EGFLAM: variants seen among roughly 807,000 people sequenced by gnomAD.
EGFLAM encodes EGF like, fibronectin type III and laminin G domains, also known as pikachurin.
Under a neutral mutation model 113.1 loss-of-function variants are expected in EGFLAM, and 79 were observed. That is an observed-to-expected ratio of 0.70 (90% CI 0.58 to 0.84). EGFLAM has a LOEUF of 0.84. Ranked by LOEUF, EGFLAM falls within the 40% of genes least tolerant of loss-of-function variation. The pLI is 0.00. For synonymous variants in EGFLAM, 504 were observed against 487.6 expected (o/e 1.03, Z -0.44); for missense variants, 1,265 against 1,291.6 (o/e 0.98, Z 0.32).
intron 12 of EGFLAM, among the ~76,000 whole-genome samples, chr5:38,418,810 A>C (rs1473514662): frequency 6.6e-6 from 1 of 152,226 alleles, no homozygotes; most frequent in Non-Finnish European, 1.5e-5. Flanking sequence ...TAACTTATTG[A>C]AAGTAGCAGG....
At chr5:38,411,369 A>G (rs552295479) in intron 10 of EGFLAM, among the ~76,000 whole-genome samples, 85 of 152,194 alleles carry the variant, frequency 5.6e-4, no homozygotes, top group Admixed American at 1.5e-3. Context: ...CGGAGGTTGC[A>G]GTGAGCAGAG....
intron 11 of EGFLAM, among the ~76,000 whole-genome samples, chr5:38,416,291 G>C (rs1301870475): frequency 6.6e-6 from 1 of 152,186 alleles, no homozygotes; most frequent in East Asian, 1.9e-4. Context: ...AGTGCTCCCA[G>C]GAGAAACTGC....
intron 1 of EGFLAM, among the ~76,000 whole-genome samples, chr5:38,261,696 G>A (rs369857258): frequency 2.0e-5 from 3 of 152,152 alleles, no homozygotes; most frequent in East Asian, 1.9e-4. Flanking sequence ...GGGATCCTGC[G>A]TTGCTCTTAA....
At chr5:38,320,020 G>A (rs1738699207) in intron 1 of EGFLAM, among the ~76,000 whole-genome samples, 1 of 152,222 alleles carries the variant, frequency 6.6e-6, no homozygotes, top group South Asian at 2.1e-4. Flanking sequence ...AAGACTTGGG[G>A]GTTACTGTAT....
chr5:38,345,828 T>C (rs991684054), intron 3 of EGFLAM: 3 of 152,230 alleles, frequency 2.0e-5, no homozygotes, highest in East Asian at 1.9e-4. Flanking sequence ...GAAGTGGTGA[T>C]GGTAAGACCT....
chr5:38,293,948 A>C (rs1442390067), intron 1 of EGFLAM, among the ~76,000 whole-genome samples: 1 of 152,224 alleles, frequency 6.6e-6, no homozygotes, highest in Non-Finnish European at 1.5e-5. Flanking sequence ...TCACTCATTA[A>C]GCACCCTCTA....
At chr5:38,461,155 C>T (rs967262528) in intron 20 of EGFLAM, 14 of 152,194 alleles carry the variant, frequency 9.2e-5, no homozygotes, top group African/African-American at 3.4e-4. Context: ...CCACAATAAT[C>T]TCGGGAGATG....
chr5:38,458,825 A>G lies in EGFLAM; in HGVS notation c.2771+431A>G, dbSNP rs868798694. On this transcript the variant is annotated intron_variant, in intron 20 of 21. Transcript: ENST00000322350. ...GCGAAACCCTGTCTCTACAAAAAAT[A>G]CAAAAATTGGCTGGATGTGGTGGCA... Among the ~76,000 whole-genome samples the G allele has an allele frequency of 3.9e-5, 6 of 152,144 alleles. 1 individual carries two copies. The Middle Eastern group carries it at 0.02, about 517-fold the overall frequency.
At chr5:38,328,723 G>GTT (rs3077265) in intron 1 of EGFLAM, among the ~76,000 whole-genome samples, 7 of 103,024 alleles carry the variant, frequency 6.8e-5, no homozygotes, top group African/African-American at 2.5e-4. Context: ...AGCTATACTT[G>GTT]TTTTTTTTTT....
chr5:38,462,219 C>A (rs192492796), intron 20 of EGFLAM, among the ~76,000 whole-genome samples: 9 of 152,202 alleles, frequency 5.9e-5, no homozygotes, highest in African/African-American at 1.9e-4. Context: ...GTCTTCCCAT[C>A]GAATGATCTT....
chr5:38,312,883 T>G (rs956157736), intron 1 of EGFLAM, among the ~76,000 whole-genome samples: 6 of 151,772 alleles, frequency 4.0e-5, no homozygotes, highest in African/African-American at 4.8e-5. Context: ...AGGTCAGCAG[T>G]TCAAGACCAG....
intron 11 of EGFLAM, among the ~76,000 whole-genome samples, chr5:38,417,136 G>A (rs1479469883): frequency 2.6e-5 from 4 of 151,984 alleles, no homozygotes; most frequent in Non-Finnish European, 1.5e-5. Context: ...GGTAGATCAC[G>A]AGGTCAGGAG....
chr5:38,359,697 A>T (rs1739871184), intron 5 of EGFLAM, among the ~76,000 whole-genome samples: 1 of 152,150 alleles, frequency 6.6e-6, no homozygotes, highest in Non-Finnish European at 1.5e-5. Context: ...AAAGTCTACT[A>T]TTGGCTTATT....
At chr5:38,350,226 C>T in intron 3 of EGFLAM, among the ~76,000 whole-genome samples, 1 of 152,136 alleles carries the variant, frequency 6.6e-6, no homozygotes, top group East Asian at 1.9e-4. Context: ...TCAAAGAGTT[C>T]TGATGTTCAC....
chr5:38,431,544 A>G (rs1404714861), intron 15 of EGFLAM, among the ~76,000 whole-genome samples: 1 of 152,220 alleles, frequency 6.6e-6, no homozygotes, highest in East Asian at 1.9e-4. Context: ...AGCACTTACA[A>G]AATTGCCTTT....
At chr5:38,405,141 A>G (rs1226377199) in intron 6 of EGFLAM, among the ~76,000 whole-genome samples, 1 of 151,780 alleles carries the variant, frequency 6.6e-6, no homozygotes, top group Non-Finnish European at 1.5e-5. Context: ...TTTTTGTTTT[A>G]AAGACCTTTT....
At chr5:38,399,492 G>T (rs1024450029) in intron 6 of EGFLAM, among the ~76,000 whole-genome samples, 4 of 151,956 alleles carry the variant, frequency 2.6e-5, no homozygotes, top group Non-Finnish European at 5.9e-5. Flanking sequence ...TGTGCAAGCT[G>T]GTCTCAAATT....
chr5:38,384,267 C>T (rs545299413), intron 6 of EGFLAM, among the ~76,000 whole-genome samples: 8 of 152,126 alleles, frequency 5.3e-5, no homozygotes, highest in African/African-American at 9.7e-5. Context: ...CCACAATTTT[C>T]GGATAAGGAA....
chr5:38,289,353 T>C (rs926397677), intron 1 of EGFLAM, among the ~76,000 whole-genome samples: 2 of 151,902 alleles, frequency 1.3e-5, no homozygotes, highest in African/African-American at 4.8e-5. Flanking sequence ...ACTAGCTTAC[T>C]TTCAGTGTTT....
Sources: gnomAD v4.1 joint callset for allele counts (sites outside exome capture counted in the v4.1 genomes callset) on GRCh38, gnomAD v4.1.1 for gene constraint, MANE v1.5 for transcripts, NCBI Gene and HGNC (gene_info 2026-07-23, HGNC 2026-07-21) for gene names.